The following MUC22 variants were observed in gnomAD, a reference collection of about 807,000 sequenced individuals.
MUC22 encodes the protein mucin-22.
A neutral mutation model predicts 40.3 loss-of-function variants in MUC22; 24 were observed. The observed-to-expected ratio is 0.60, with a 90% CI of 0.43 to 0.84. The LOEUF (loss-of-function observed/expected upper bound fraction) is 0.84, where lower values mean the gene tolerates loss of function less well. MUC22 is among the 40% of genes least tolerant of loss of function. MUC22 has a pLI of 0.00. For synonymous variants in MUC22, 765 were observed against 844.5 expected (o/e 0.91, Z 1.63); for missense variants, 1,926 against 2,130.7 (o/e 0.90, Z 1.89).
At chr6:31,008,378 C>T (rs752630732), upstream of MUC22, among the ~76,000 whole-genome samples, 1 of 152,136 alleles carries the variant, frequency 6.6e-6, no homozygotes, top group Non-Finnish European at 1.5e-5. Flanking sequence ...GGGCCGAAGT[C>T]TTGTTCCCAC....
At chr6:31,022,153 A>C (rs906162693) in intron 1 of MUC22, among the ~76,000 whole-genome samples, 1 of 152,186 alleles carries the variant, frequency 6.6e-6, no homozygotes, top group African/African-American at 2.4e-5. Flanking sequence ...AGCAAACTCC[A>C]GACATGCCAC....
chr6:31,027,206 G>A lies in MUC22; in HGVS notation c.1775G>A (p.Gly592Asp), dbSNP rs1411919719. 8.0e-6 allele frequency: 12 copies of A among 1,501,626 alleles called. 1 individual carries two copies. In the African/African-American group the frequency reaches 1.7e-4, roughly 21 times the overall value. The allele number at this position is 1,501,626 out of a possible 1,614,324, so 93.0% of individuals were successfully genotyped here. ...GAGACAATCAGAGCCTCTACCGTAG[G>A]CTCTGAGACCACCACAGTCTCTACC... The change falls in exon 2 of 4, where the codon GGC (glycine) becomes GAC (aspartate). Residue 592 changes from glycine (G) to aspartate (D), a missense_variant. By Grantham distance (94) the Gly-to-Asp change is moderately conservative. Transcript: ENST00000561890.
At chr6:31,034,888 G>C in exon 4 of MUC22, 2 of 1,535,614 alleles carry the variant, frequency 1.3e-6, no homozygotes, top group Non-Finnish European at 1.7e-6. Context: ...CCATGGAGAT[G>C]GCTACGGAGT....
At chr6:31,022,037 G>C (rs1015812896) in intron 1 of MUC22, among the ~76,000 whole-genome samples, 4 of 151,970 alleles carry the variant, frequency 2.6e-5, no homozygotes, top group African/African-American at 4.8e-5. Context: ...ATGGGCTTAA[G>C]AGTTGCTAAC....
intron 2 of MUC22, among the ~76,000 whole-genome samples, chr6:31,030,714 C>T (rs1177118071): frequency 6.6e-6 from 1 of 152,138 alleles, no homozygotes; most frequent in African/African-American, 2.4e-5. Flanking sequence ...TTGTGAAATG[C>T]TCCCACTTCG....
chr6:31,029,956 T>C (rs1765924885), exon 2 of MUC22: 2 of 1,535,370 alleles, frequency 1.3e-6, no homozygotes. Flanking sequence ...CACTGCAACT[T>C]CCCTCACAGG....
chr6:31,032,627 G>A lies in MUC22; in HGVS notation c.5055+46G>A. ...CATAGGGGAGCCTGGCAAGAAGGCA[G>A]GGGGGAATCATGTCAGCAGTGCTTT... On this transcript the variant is annotated intron_variant, in intron 3 of 3. Coordinates refer to ENST00000561890, the Ensembl canonical transcript of MUC22. The surrounding 1 kb of genome is among the most constrained non-coding windows in gnomAD (Gnocchi z 4.1). The A allele has an allele frequency of 6.7e-7, 1 of 1,494,878 alleles. No individual in the cohort carries two copies. The highest frequency in any genetic ancestry group is 1.4e-5 in the African/African-American group (1 of 72,398). 92.6% of individuals were successfully genotyped at this position (1,494,878 alleles called of 1,614,324 possible).
Position 31,026,260 on chromosome 6 carries a change from ACCACTACAATCC to A in MUC22, c.830_841del (p.Thr277_Leu281delinsMet), listed in dbSNP as rs1765319641. On this transcript the variant is annotated inframe_deletion, in exon 2 of 4. Coordinates refer to ENST00000561890, the Ensembl canonical transcript of MUC22. ...CACAGCCTCTACCACAGGCTCTGAG[ACCACTACAATCC>A]TGATTAAAGCCTCTGAGACCACCAC... 6 of 1,338,542 alleles carry A rather than the reference ACCACTACAATCC, an allele frequency of 4.5e-6. 1 individual carries two copies. The highest frequency in any genetic ancestry group is 2.3e-5 in the Admixed American group (1 of 43,426). The allele number at this position is 1,338,542 out of a possible 1,614,324, so 82.9% of individuals were successfully genotyped here.
chr6:31,026,644 G>C, exon 2 of MUC22: 1 of 1,508,640 alleles, frequency 6.6e-7, no homozygotes, highest in South Asian at 1.2e-5. Flanking sequence ...CGTGGGCTCT[G>C]AGACCACCAC....
rs1469693606 is a variant in MUC22, at chr6:31,011,925, A to C, written c.70+1149A>C. Among the ~76,000 whole-genome samples the C allele has an allele frequency of 6.6e-6, 1 of 152,196 alleles. No homozygotes were observed. The highest frequency in any genetic ancestry group is 1.5e-5 in the Non-Finnish European group (1 of 68,032). On this transcript the variant is annotated intron_variant, in intron 1 of 3. Transcript: ENST00000561890. The surrounding 1 kb of genome is among the most constrained non-coding windows in gnomAD (Gnocchi z 4.5). Reference sequence around the variant, plus strand: ...CAAATCCATGTATAATCCCCTGAGAACTTCCCTGGTAGAAACAAACCGGAG... The same window carrying C: ...CAAATCCATGTATAATCCCCTGAGACCTTCCCTGGTAGAAACAAACCGGAG...
At chr6:31,015,081 T>G (rs28360979) in intron 1 of MUC22, among the ~76,000 whole-genome samples, 7,388 of 152,252 alleles carry the variant, frequency 0.049, 225 homozygotes, top group South Asian at 0.12. Context: ...TCCTGTGTTC[T>G]TTGAGCTATA....
At chr6:31,006,901 C>T (rs991889716), upstream of MUC22, among the ~76,000 whole-genome samples, 11 of 152,046 alleles carry the variant, frequency 7.2e-5, no homozygotes, top group African/African-American at 2.4e-4. Context: ...GTAATCCCAG[C>T]ACTTGGGGAG....
chr6:31,028,692 C>T, exon 2 of MUC22: 1 of 1,532,610 alleles, frequency 6.5e-7, no homozygotes, highest in Non-Finnish European at 8.7e-7. Context: ...CCATCCCAGC[C>T]TCTACAGCAG....
chr6:31,028,248 T>C (rs1765624966), exon 2 of MUC22: 1 of 1,534,576 alleles, frequency 6.5e-7, no homozygotes, highest in African/African-American at 1.4e-5. Flanking sequence ...CAGTCTCTAC[T>C]GAAGGCTCTG....
At chr6:31,013,992 C>T (rs181271589) in intron 1 of MUC22, among the ~76,000 whole-genome samples, 1 of 152,310 alleles carries the variant, frequency 6.6e-6, no homozygotes, top group East Asian at 1.9e-4. Flanking sequence ...CACAATTCTC[C>T]CCAAATGACT....
chr6:31,027,460 G>T (rs1375700991), exon 2 of MUC22: 1 of 1,525,322 alleles, frequency 6.6e-7, no homozygotes, highest in East Asian at 2.5e-5. Flanking sequence ...TGAGATGACT[G>T]CAGTCTCCAC....
chr6:31,031,117 T>C (rs1455117057), intron 2 of MUC22, among the ~76,000 whole-genome samples: 2 of 152,198 alleles, frequency 1.3e-5, no homozygotes, highest in African/African-American at 4.8e-5. Flanking sequence ...ACTTCTATTC[T>C]CATGACTGGT....
chr6:31,025,615 G>A lies in MUC22; in HGVS notation c.184G>A (p.Gly62Ser), dbSNP rs1426820616. 6 of 1,521,026 alleles carry A rather than the reference G, an allele frequency of 3.9e-6. No individual in the cohort carries two copies. Among genetic ancestry groups the A allele is most frequent in the Middle Eastern group, 1.7e-4 (1 of 5,936 alleles). 94.2% of individuals were successfully genotyped at this position (1,521,026 alleles called of 1,614,324 possible). A position where few individuals can be genotyped will look rare whatever the true frequency, so the allele number is the denominator to read the frequency against. ...GGCCTCTACTTCGGCCTTAACTACA[G>A]GCTCTAAGATCACCACAGACTCTAC... The change falls in exon 2 of 4, where the codon GGC (glycine) becomes AGC (serine). Residue 62 changes from glycine to serine, a missense_variant. By Grantham distance (56) the Gly-to-Ser change is moderately conservative. This residue lies in a region of MUC22 where 1,281 missense variants were observed against 1,337.8 expected (regional missense o/e 0.96). Transcript: ENST00000561890.
At chr6:31,021,910 C>A (rs939859561) in intron 1 of MUC22, among the ~76,000 whole-genome samples, 2 of 152,096 alleles carry the variant, frequency 1.3e-5, no homozygotes, top group African/African-American at 2.4e-5. Flanking sequence ...CTACTGCTCA[C>A]TTTTTGGGTC....
Sources: allele counts gnomAD v4.1 joint callset (sites outside exome capture counted in the v4.1 genomes callset), GRCh38; gene constraint gnomAD v4.1.1; regional missense constraint gnomAD v4.1.1; non-coding constraint Gnocchi (gnomAD v3.1); transcripts MANE v1.5; gene names NCBI Gene and HGNC (gene_info 2026-07-23, HGNC 2026-07-21).